STK3: variants seen among roughly 807,000 people sequenced by gnomAD.
STK3 encodes serine/threonine kinase 3, also known as serine/threonine-protein kinase 3.
A neutral mutation model predicts 58.0 loss-of-function variants in STK3; 41 were observed. The ratio of observed to expected loss-of-function variants is 0.71; its 90% CI spans 0.55 to 0.92. The LOEUF (loss-of-function observed/expected upper bound fraction) is 0.92. Ranked by LOEUF, STK3 falls within the 40% of genes least tolerant of loss-of-function variation. The pLI, the probability that STK3 is intolerant of heterozygous loss-of-function variation, is 0.00. For missense variants in STK3, 479 were observed against 602.7 expected (o/e 0.79, Z 2.15); for synonymous variants, 170 against 191.0 (o/e 0.89, Z 0.91).
chr8:98,609,209 C>T (rs182225474), intron 6 of STK3, among the ~76,000 whole-genome samples: 34 of 152,118 alleles, frequency 2.2e-4, no homozygotes, highest in Admixed American at 1.8e-3. Flanking sequence ...TTCAGAATAA[C>T]GGAATAAGAG....
intron 3 of STK3, among the ~76,000 whole-genome samples, chr8:98,866,614 T>C (rs182242120): frequency 2.0e-5 from 3 of 152,324 alleles, no homozygotes; most frequent in East Asian, 1.9e-4. Context: ...ATGTTCTCTA[T>C]ACATTAGCTG....
intron 3 of STK3, among the ~76,000 whole-genome samples, chr8:98,410,161 T>C (rs901463407): frequency 1.3e-5 from 2 of 152,148 alleles, no homozygotes; most frequent in South Asian, 4.1e-4. Context: ...GTTTGGAAGA[T>C]CTTAGAAGGC....
chr8:98,377,600 A>G (rs1817688526), intron 2 of STK3, among the ~76,000 whole-genome samples: 2 of 152,166 alleles, frequency 1.3e-5, no homozygotes, highest in Non-Finnish European at 2.9e-5. Context: ...CCTCATGCAC[A>G]ACTTCTGTGT....
intron 3 of STK3, among the ~76,000 whole-genome samples, chr8:98,835,041 G>A (rs959391972): frequency 1.3e-5 from 2 of 152,204 alleles, no homozygotes; most frequent in Non-Finnish European, 2.9e-5. Context: ...CATAAAGATA[G>A]TGGGTGAGGC....
intron 3 of STK3, among the ~76,000 whole-genome samples, chr8:98,758,220 A>C (rs1830417673): frequency 6.6e-6 from 1 of 152,260 alleles, no homozygotes; most frequent in Non-Finnish European, 1.5e-5. Context: ...TGCTAAACGT[A>C]TAAAGATGAG....
intron 6 of STK3, among the ~76,000 whole-genome samples, chr8:98,637,644 C>T (rs1213532322): frequency 6.6e-6 from 1 of 152,148 alleles, no homozygotes; most frequent in Non-Finnish European, 1.5e-5. Flanking sequence ...TCCCCTAATT[C>T]AACTCCAATG....
intron 10 of STK3, among the ~76,000 whole-genome samples, chr8:98,520,919 GCTT>G (rs1422204581): frequency 1.3e-5 from 2 of 152,176 alleles, no homozygotes; most frequent in South Asian, 2.1e-4. Flanking sequence ...CTCCACCTAT[GCTT>G]CTTCTTTTAA....
At chr8:98,543,511 G>C (rs1471467706) in intron 9 of STK3, among the ~76,000 whole-genome samples, 2 of 152,154 alleles carry the variant, frequency 1.3e-5, no homozygotes, top group African/African-American at 2.4e-5. Flanking sequence ...GGGCAGAACT[G>C]ATGAGATGTT....
At chr8:98,553,994 C>T (rs922909257) in intron 8 of STK3, among the ~76,000 whole-genome samples, 6 of 151,396 alleles carry the variant, frequency 4.0e-5, no homozygotes, top group African/African-American at 1.5e-4. Context: ...CTCAGAGGTG[C>T]TATTATTCCT....
rs572444301 is a variant in STK3 at position 98,797,853 on chromosome 8, A to G, written c.27-23034T>C. 1.4e-4 allele frequency among the ~76,000 whole-genome samples: 22 copies of G among 152,332 alleles called. No individual in the cohort carries two copies. In the South Asian group the frequency reaches 1.9e-3, roughly 13 times the overall value. The stretch of plus-strand genomic sequence containing the variant: ...GCAGATGCCACAGAACAACAATGAT[A>G]TAAGGGAGTTAAAGATATTAGCAAA... On this transcript the variant is annotated intron_variant, in intron 1 of 10. Transcript: ENST00000419617.
At chr8:98,883,837 A>C (rs1587798939) in intron 1 of STK3, 1 of 658,574 alleles carries the variant, frequency 1.5e-6, no homozygotes, top group East Asian at 2.7e-5. Flanking sequence ...TGAATGGCCT[A>C]TTTGGAATAA....
intron 7 of STK3, among the ~76,000 whole-genome samples, chr8:98,587,413 T>G (rs1814738312): frequency 6.6e-6 from 1 of 152,082 alleles, no homozygotes; most frequent in South Asian, 2.1e-4. Flanking sequence ...TGGTTTTGAG[T>G]GAGATTCTTA....
intron 2 of STK3, among the ~76,000 whole-genome samples, chr8:98,769,982 A>C (rs1240292020): frequency 6.6e-6 from 1 of 152,236 alleles, no homozygotes; most frequent in East Asian, 1.9e-4. Context: ...AGTTGAATTC[A>C]CATCAGCACC....
At chr8:98,347,622 C>T in the STK3 span, among the ~76,000 whole-genome samples, 3 of 151,762 alleles carry the variant, frequency 2.0e-5, no homozygotes, top group Admixed American at 6.6e-5. Context: ...AAAAAAATTA[C>T]AATGATGAAC....
At chr8:98,513,059 G>A (rs895282047) in intron 10 of STK3, among the ~76,000 whole-genome samples, 4 of 152,162 alleles carry the variant, frequency 2.6e-5, no homozygotes, top group Non-Finnish European at 5.9e-5. Context: ...AACATGAAAT[G>A]CTCTAAAATG....
At chr8:98,650,039 A>G (rs553934438) in intron 6 of STK3, among the ~76,000 whole-genome samples, 2 of 152,318 alleles carry the variant, frequency 1.3e-5, no homozygotes, top group African/African-American at 4.8e-5. Context: ...CATTATTATC[A>G]GCACTGAGAA....
chr8:98,718,638 C>T (rs1358610922), intron 4 of STK3, among the ~76,000 whole-genome samples: 1 of 151,980 alleles, frequency 6.6e-6, no homozygotes, highest in Admixed American at 6.6e-5. Flanking sequence ...AAAAAGAATG[C>T]AAGCTATTTT....
chr8:98,536,069 T>A (rs909604971), intron 9 of STK3, among the ~76,000 whole-genome samples: 5 of 152,084 alleles, frequency 3.3e-5, no homozygotes, highest in African/African-American at 4.8e-5. Flanking sequence ...ATTCCAGGAA[T>A]CTACTCTTCC....
Position 98,590,063 on chromosome 8 carries a change from G to A in STK3, c.822+5969C>T, listed in dbSNP as rs542976011. On this transcript the variant is annotated intron_variant, in intron 7 of 10. Coordinates refer to ENST00000419617, the MANE Select transcript of STK3 (RefSeq NM_006281.4). ...AATGCAGAAATCACCTGTCTTCTGCGGCGCTCATGCTGGGAGCTGTAGACC... is the reference window on the plus strand; with the variant it reads ...AATGCAGAAATCACCTGTCTTCTGCAGCGCTCATGCTGGGAGCTGTAGACC... Among the ~76,000 whole-genome samples the A allele has an allele frequency of 2.3e-4, 35 of 152,318 alleles. 1 individual carries two copies. The highest frequency in any genetic ancestry group is 7.2e-4 in the African/African-American group (30 of 41,562).
Sources: gnomAD v4.1 joint callset for allele counts (sites outside exome capture counted in the v4.1 genomes callset) on GRCh38, gnomAD v4.1.1 for gene constraint, MANE v1.5 for transcripts, NCBI Gene and HGNC (gene_info 2026-07-23, HGNC 2026-07-21) for gene names.